Variants in ERAP1 observed in about 807,000 individuals in gnomAD.
ERAP1 encodes the protein endoplasmic reticulum aminopeptidase 1.
Under a neutral mutation model 103.7 loss-of-function variants are expected in ERAP1, and 86 were observed. The ratio of observed to expected loss-of-function variants is 0.83; its 90% CI spans 0.70 to 0.99. The LOEUF is 0.99. Ranked by LOEUF, ERAP1 falls within the 50% of genes least tolerant of loss-of-function variation. The pLI is 0.00. For synonymous variants in ERAP1, 398 were observed against 402.4 expected, an observed-to-expected ratio of 0.99 and a Z score of 0.13; for missense variants, 1,009 against 1,128.4, an observed-to-expected ratio of 0.89 and a Z score of 1.52.
the ERAP1 span, among the ~76,000 whole-genome samples, chr5:96,861,219 C>T: frequency 3.9e-5 from 6 of 152,328 alleles, no homozygotes; most frequent in East Asian, 9.6e-4. Flanking sequence ...CTGGTCTTAT[C>T]ACTTGCTGTG....
the ERAP1 span, chr5:96,896,718 G>GT: frequency 1.3e-3 from 1,802 of 1,437,818 alleles, no homozygotes; most frequent in South Asian, 3.0e-3. Context: ...CAACTCTTTT[G>GT]TTTTTTTTTA....
chr5:96,771,698 A>T, downstream of ERAP1: 1 of 1,601,752 alleles, frequency 6.2e-7, no homozygotes, highest in Non-Finnish European at 8.6e-7. Context: ...AAGTTAAGGT[A>T]TCTGGTAAGT....
chr5:96,770,574 A>G (rs749027472), downstream of ERAP1: 7 of 1,612,848 alleles, frequency 4.3e-6, no homozygotes, highest in Middle Eastern at 3.3e-4. Context: ...GCACCTAAGA[A>G]TGGAGGTAAA....
the ERAP1 span, chr5:96,909,143 T>G: frequency 2.5e-6 from 4 of 1,607,114 alleles, no homozygotes; most frequent in Non-Finnish European, 3.4e-6. Context: ...AGAAAATGTA[T>G]TAAGTAAATA....
At position 96,805,438 on chromosome 5, in the gene ERAP1, C is replaced by T. The variant is rs190694686; in HGVS notation, c.-17-1495G>A. Among the ~76,000 whole-genome samples the T allele has an allele frequency of 1.3e-4, 19 of 151,938 alleles. No individual in the cohort carries two copies. The East Asian group carries it at 3.7e-3, about 29-fold the overall frequency. The stretch of plus-strand genomic sequence containing the variant: ...ATCCTTGCCAAATCCTGGCTTTCCC[C>T]CTTCAACTCTATGTGATAGGATACT... On this transcript the variant is annotated intron_variant, in intron 1 of 18. Coordinates refer to ENST00000443439, the MANE Select transcript of ERAP1 (RefSeq NM_001040458.3).
chr5:96,913,483 T>C, the ERAP1 span: 1 of 1,612,802 alleles, frequency 6.2e-7, no homozygotes, highest in South Asian at 1.1e-5. Flanking sequence ...CATCCAATGT[T>C]TGTTCTTCCA....
At chr5:96,768,669 G>T (rs1770958044) in intron 19 of ERAP1, among the ~76,000 whole-genome samples, 1 of 152,142 alleles carries the variant, frequency 6.6e-6, no homozygotes, top group African/African-American at 2.4e-5. Flanking sequence ...TTCATTTAAA[G>T]TGAGAGCAGG....
chr5:96,776,357 G>T lies in ERAP1; in HGVS notation c.*39C>A. 6.3e-7 allele frequency: 1 copy of T among 1,585,946 alleles called. No individual in the cohort carries two copies. Among genetic ancestry groups the T allele is most frequent in the South Asian group, 1.2e-5 (1 of 86,696 alleles). Reference sequence around the variant, plus strand: ...TGAAAATACACTCAACAAAATGTTGGTGATTAGAGATAACAGGAACCTGGC... The same window carrying T: ...TGAAAATACACTCAACAAAATGTTGTTGATTAGAGATAACAGGAACCTGGC... On this transcript the variant is annotated 3_prime_UTR_variant, in exon 19 of 19. Coordinates refer to ENST00000443439, the MANE Select transcript of ERAP1 (RefSeq NM_001040458.3).
At chr5:96,878,352 G>A in the ERAP1 span, among the ~76,000 whole-genome samples, 3 of 152,114 alleles carry the variant, frequency 2.0e-5, no homozygotes, top group African/African-American at 7.2e-5. Flanking sequence ...GCCATAAAAT[G>A]AGGCCATTCA....
At chr5:96,922,036 C>T in the ERAP1 span, among the ~76,000 whole-genome samples, 5 of 152,200 alleles carry the variant, frequency 3.3e-5, no homozygotes, top group Admixed American at 2.0e-4. Context: ...CGGTGGCTCA[C>T]GCCTGTAATC....
At chr5:96,903,453 T>C in the ERAP1 span, 2 of 1,614,066 alleles carry the variant, frequency 1.2e-6, no homozygotes, top group Non-Finnish European at 1.7e-6. Flanking sequence ...TCGTTCACTA[T>C]GAGGGTCATG....
At chr5:96,908,191 T>C in the ERAP1 span, among the ~76,000 whole-genome samples, 1 of 152,218 alleles carries the variant, frequency 6.6e-6, no homozygotes. Context: ...ATCACACGAT[T>C]GTGTTATTCT....
At chr5:96,807,379 G>A (rs1778749972) in intron 1 of ERAP1, among the ~76,000 whole-genome samples, 1 of 152,186 alleles carries the variant, frequency 6.6e-6, no homozygotes, top group Admixed American at 6.5e-5. Flanking sequence ...TAGCAGCTAT[G>A]GGCAGGTGCC....
At chr5:96,810,541 C>G (rs756576641), upstream of ERAP1, among the ~76,000 whole-genome samples, 15 of 152,190 alleles carry the variant, frequency 9.9e-5, no homozygotes, top group Non-Finnish European at 2.1e-4. Context: ...TAATTCTACT[C>G]ACATTGCATT....
the ERAP1 span, among the ~76,000 whole-genome samples, chr5:96,841,595 G>A: frequency 6.6e-6 from 1 of 152,122 alleles, no homozygotes; most frequent in Non-Finnish European, 1.5e-5. Context: ...TTCCTGCAAG[G>A]GAAATTTCAG....
the ERAP1 span, among the ~76,000 whole-genome samples, chr5:96,874,140 AAG>A: frequency 2.2e-5 from 2 of 91,500 alleles, no homozygotes; most frequent in Non-Finnish European, 4.4e-5. Context: ...GAGAGAGAGA[AAG>A]AAAGAAAGAA....
chr5:96,832,503 G>T, the ERAP1 span, among the ~76,000 whole-genome samples: 1 of 152,018 alleles, frequency 6.6e-6, no homozygotes, highest in East Asian at 1.9e-4. Flanking sequence ...TAAAAATATA[G>T]AAGAACTACA....
chr5:96,928,421 TGA>T, the ERAP1 span, among the ~76,000 whole-genome samples: 1 of 152,148 alleles, frequency 6.6e-6, no homozygotes, highest in Non-Finnish European at 1.5e-5. Context: ...CAATTCAATA[TGA>T]CTAGTGTCCT....
the ERAP1 span, among the ~76,000 whole-genome samples, chr5:96,821,891 T>C: frequency 6.6e-6 from 1 of 152,246 alleles, no homozygotes; most frequent in African/African-American, 2.4e-5. Context: ...TAGAGACTTG[T>C]TGGTGGAAAG....
Sources: gnomAD v4.1 joint callset for allele counts (sites outside exome capture counted in the v4.1 genomes callset) on GRCh38, gnomAD v4.1.1 for gene constraint, MANE v1.5 for transcripts, NCBI Gene and HGNC (gene_info 2026-07-23, HGNC 2026-07-21) for gene names.